ERC2: variants seen among roughly 807,000 people sequenced by gnomAD.
The protein encoded by ERC2 is ELKS/RAB6-interacting/CAST family member 2.
ERC2 carries 42 observed loss-of-function variants against 114.8 expected under a neutral mutation model. The observed-to-expected ratio is 0.37, with a 90% CI of 0.29 to 0.47. The LOEUF (loss-of-function observed/expected upper bound fraction) is 0.47. Among genes scored for constraint, ERC2 ranks in the 20% least tolerant of loss-of-function variants. The pLI is 0.99. For missense variants in ERC2, 939 were observed against 1,150.7 expected, an observed-to-expected ratio of 0.82 and a Z score of 2.66; for synonymous variants, 454 against 425.5, an observed-to-expected ratio of 1.07 and a Z score of -0.82.
At chr3:56,077,687 ACT>A (rs1209120758) in intron 7 of ERC2, among the ~76,000 whole-genome samples, 1 of 151,826 alleles carries the variant, frequency 6.6e-6, no homozygotes, top group Non-Finnish European at 1.5e-5. Context: ...TCCCTAATTC[ACT>A]CTCACACCTG....
intron 17 of ERC2, among the ~76,000 whole-genome samples, chr3:55,574,391 C>T (rs1236325627): frequency 6.6e-6 from 1 of 152,122 alleles, no homozygotes; most frequent in African/African-American, 2.4e-5. Context: ...AGTCATCTGG[C>T]CGATGCATGA....
intron 2 of ERC2, among the ~76,000 whole-genome samples, chr3:56,316,952 T>A (rs551407785): frequency 1.3e-5 from 2 of 152,354 alleles, no homozygotes; most frequent in East Asian, 1.9e-4. Flanking sequence ...ACAGGTGACA[T>A]TCACTCAACT....
intron 2 of ERC2, among the ~76,000 whole-genome samples, chr3:56,427,300 G>A (rs1233227305): frequency 6.6e-6 from 1 of 152,106 alleles, no homozygotes; most frequent in African/African-American, 2.4e-5. Flanking sequence ...TGATTGGTTG[G>A]TTGGTTTTGT....
intron 13 of ERC2, among the ~76,000 whole-genome samples, chr3:55,899,581 A>G (rs1042598920): frequency 3.9e-5 from 6 of 152,158 alleles, no homozygotes; most frequent in African/African-American, 1.4e-4. Flanking sequence ...TGGGCACCCA[A>G]TTGTTGAGAT....
chr3:55,600,856 G>A (rs1313144179), intron 17 of ERC2, among the ~76,000 whole-genome samples: 2 of 152,236 alleles, frequency 1.3e-5, no homozygotes, highest in African/African-American at 2.4e-5. Context: ...AAGTACCCAC[G>A]TGGTTCTTAT....
intron 14 of ERC2, among the ~76,000 whole-genome samples, chr3:55,876,477 T>C (rs1342243872): frequency 6.6e-6 from 1 of 152,178 alleles, no homozygotes; most frequent in Non-Finnish European, 1.5e-5. Context: ...AAATGAACAT[T>C]GTAAGAAGTG....
At chr3:55,732,175 G>A (rs1452774520) in intron 15 of ERC2, among the ~76,000 whole-genome samples, 4 of 152,130 alleles carry the variant, frequency 2.6e-5, no homozygotes. Flanking sequence ...TGAGGACTAT[G>A]GGACAACATC....
chr3:56,344,881 C>T (rs1158530173), intron 2 of ERC2, among the ~76,000 whole-genome samples: 3 of 152,176 alleles, frequency 2.0e-5, no homozygotes, highest in African/African-American at 4.8e-5. Context: ...CAGGAAAAAA[C>T]GGGAGATATA....
At chr3:55,567,739 G>A (rs930133235) in intron 17 of ERC2, among the ~76,000 whole-genome samples, 2 of 152,096 alleles carry the variant, frequency 1.3e-5, no homozygotes, top group Non-Finnish European at 2.9e-5. Flanking sequence ...ATTTCCCAGT[G>A]GCCAATGGAA....
intron 8 of ERC2, among the ~76,000 whole-genome samples, chr3:56,010,910 G>A (rs1044762753): frequency 5.3e-5 from 8 of 152,342 alleles, no homozygotes; most frequent in Admixed American, 1.3e-4. Context: ...GGGAGCTTCA[G>A]ACACCAAGAC....
Position 55,966,002 on chromosome 3 carries a change from C to G in ERC2, c.2268-15442G>C, listed in dbSNP as rs557469641. Among the ~76,000 whole-genome samples the G allele has an allele frequency of 3.1e-4, 47 of 152,300 alleles. No homozygotes were observed. In the Middle Eastern group the frequency reaches 0.014, roughly 44 times the overall value. ...CAACACAACCACTTCCAAAATCCACCGCTAAAATGTCACCTGTTTCAGTTT... is the reference window on the plus strand; with the variant it reads ...CAACACAACCACTTCCAAAATCCACGGCTAAAATGTCACCTGTTTCAGTTT... On this transcript the variant is annotated intron_variant, in intron 12 of 17. Coordinates refer to ENST00000288221, the MANE Select transcript of ERC2 (RefSeq NM_015576.3).
chr3:56,428,381 C>T (rs778885475), intron 2 of ERC2, among the ~76,000 whole-genome samples: 13 of 151,760 alleles, frequency 8.6e-5, no homozygotes, highest in Non-Finnish European at 1.3e-4. Flanking sequence ...ATCAGCCGCG[C>T]GTGCTGGTAC....
intron 14 of ERC2, among the ~76,000 whole-genome samples, chr3:55,841,083 T>C (rs1320018735): frequency 6.6e-6 from 1 of 152,188 alleles, no homozygotes. Context: ...TATCAAGTTG[T>C]ATGCATGAAA....
chr3:56,220,674 G>A (rs1174415139), intron 3 of ERC2, among the ~76,000 whole-genome samples: 2 of 152,238 alleles, frequency 1.3e-5, no homozygotes, highest in Non-Finnish European at 2.9e-5. Context: ...GTGTGCTTCA[G>A]ACTTCACCAC....
chr3:56,348,930 A>G (rs1246434311), intron 2 of ERC2, among the ~76,000 whole-genome samples: 5 of 143,318 alleles, frequency 3.5e-5, no homozygotes, highest in Non-Finnish European at 7.5e-5. Flanking sequence ...GAAGGAAGGA[A>G]GGAAGGAAGG....
intron 17 of ERC2, among the ~76,000 whole-genome samples, chr3:55,578,069 G>A (rs1260761476): frequency 6.6e-6 from 1 of 152,182 alleles, no homozygotes; most frequent in East Asian, 1.9e-4. Context: ...GGCGAATTCT[G>A]TAGCAAGCAG....
chr3:55,858,452 T>G lies in ERC2; in HGVS notation c.2564+29937A>C, dbSNP rs780146790. Among the ~76,000 whole-genome samples, 21 of 152,208 alleles carry G rather than the reference T, an allele frequency of 1.4e-4. 1 individual carries two copies. Among genetic ancestry groups the G allele is most frequent in the Non-Finnish European group, 1.9e-4 (13 of 68,028 alleles). ...GATAGTAAGCTGCCACGAGGCAATG[T>G]GTGATCTACATGACTCTGAGCAAAA... On this transcript the variant is annotated intron_variant, in intron 14 of 17. Transcript: ENST00000288221.
chr3:55,771,326 C>T (rs958149200), intron 14 of ERC2, among the ~76,000 whole-genome samples: 5 of 152,060 alleles, frequency 3.3e-5, no homozygotes. Context: ...CCTGATTTAC[C>T]TTAAAGATAA....
At chr3:56,351,361 A>G (rs564771650) in intron 2 of ERC2, among the ~76,000 whole-genome samples, 2 of 152,250 alleles carry the variant, frequency 1.3e-5, no homozygotes, top group South Asian at 2.1e-4. Flanking sequence ...CTTTCTTTTC[A>G]TATTTGAAAT....
Sources: allele counts gnomAD v4.1 joint callset (sites outside exome capture counted in the v4.1 genomes callset), GRCh38; gene constraint gnomAD v4.1.1; transcripts MANE v1.5; gene names NCBI Gene and HGNC (gene_info 2026-07-23, HGNC 2026-07-21).